Variants in PSD3 observed in about 807,000 individuals in gnomAD.
PSD3 encodes PH and SEC7 domain-containing protein 3.
Under a neutral mutation model 105.5 loss-of-function variants are expected in PSD3, and 49 were observed. The ratio of observed to expected loss-of-function variants is 0.46; its 90% CI spans 0.37 to 0.59. The LOEUF (loss-of-function observed/expected upper bound fraction) is 0.59. PSD3 is among the 20% of genes least tolerant of loss of function. The pLI, the probability that PSD3 is intolerant of heterozygous loss-of-function variation, is 0.00. For missense variants in PSD3, 1,561 were observed against 1,263.8 expected (o/e 1.24, Z -3.57); for synonymous variants, 557 against 457.8 (o/e 1.22, Z -2.77).
At chr8:18,630,297 G>C (rs760398555) in intron 11 of PSD3, among the ~76,000 whole-genome samples, 1 of 151,938 alleles carries the variant, frequency 6.6e-6, no homozygotes. Context: ...AAAACTTCTA[G>C]CCTGGTACAA....
chr8:18,810,296 C>T (rs1167066439), intron 4 of PSD3, among the ~76,000 whole-genome samples: 1 of 152,200 alleles, frequency 6.6e-6, no homozygotes, highest in African/African-American at 2.4e-5. Context: ...AAGAACACAG[C>T]CATCTGCCAT....
chr8:19,006,897 T>G (rs190404136), intron 1 of PSD3, among the ~76,000 whole-genome samples: 2 of 152,144 alleles, frequency 1.3e-5, no homozygotes, highest in Non-Finnish European at 2.9e-5. Context: ...TTATTCACTG[T>G]GATACTAGGC....
intron 9 of PSD3, among the ~76,000 whole-genome samples, chr8:18,715,834 C>T (rs754537249): frequency 6.6e-5 from 10 of 152,180 alleles, no homozygotes; most frequent in South Asian, 2.1e-4. Context: ...ATAAGTACAT[C>T]CAACGCATAT....
At chr8:19,048,382 A>T (rs1227339926) in intron 1 of PSD3, among the ~76,000 whole-genome samples, 1 of 152,224 alleles carries the variant, frequency 6.6e-6, no homozygotes, top group African/African-American at 2.4e-5. Flanking sequence ...TGAAAGTCAG[A>T]TTCCTGGAGA....
intron 2 of PSD3, among the ~76,000 whole-genome samples, chr8:18,911,799 C>A (rs1200402640): frequency 6.6e-6 from 1 of 152,084 alleles, no homozygotes; most frequent in South Asian, 2.1e-4. Context: ...CTCTACCCCC[C>A]ACCACACACA....
chr8:19,028,887 C>G (rs763881047), intron 1 of PSD3, among the ~76,000 whole-genome samples: 1 of 152,182 alleles, frequency 6.6e-6, no homozygotes, highest in Non-Finnish European at 1.5e-5. Flanking sequence ...GGAGTTTCCT[C>G]TCTTCCCAGA....
At chr8:18,943,667 C>G (rs1044481355) in intron 1 of PSD3, among the ~76,000 whole-genome samples, 1 of 152,026 alleles carries the variant, frequency 6.6e-6, no homozygotes, top group Admixed American at 6.6e-5. Flanking sequence ...TCCTCAGATC[C>G]CTGCCTCCAC....
At chr8:18,607,691 A>C (rs544751800) in intron 11 of PSD3, among the ~76,000 whole-genome samples, 3,727 of 94,182 alleles carry the variant, frequency 0.04, 281 homozygotes, top group East Asian at 0.13. Context: ...TACAAAAAAA[A>C]AAAACAAAAC....
intron 9 of PSD3, among the ~76,000 whole-genome samples, chr8:18,762,668 G>A (rs1439912262): frequency 4.6e-5 from 7 of 152,216 alleles, no homozygotes; most frequent in East Asian, 1.9e-4. Context: ...AGTAAACAAC[G>A]AAAGCTGCAA....
At chr8:18,566,159 T>A (rs1801733814) in intron 14 of PSD3, among the ~76,000 whole-genome samples, 1 of 152,116 alleles carries the variant, frequency 6.6e-6, no homozygotes, top group Admixed American at 6.6e-5. Flanking sequence ...CATATGTGTT[T>A]CTCAAAGCTA....
intron 1 of PSD3, among the ~76,000 whole-genome samples, chr8:18,950,288 AG>A (rs1223731403): frequency 9.2e-5 from 14 of 152,340 alleles, no homozygotes; most frequent in African/African-American, 3.1e-4. Flanking sequence ...TTATTTTATT[AG>A]TTTTTTTGAG....
chr8:18,633,792 G>C (rs1045428040), intron 10 of PSD3, among the ~76,000 whole-genome samples: 3 of 152,190 alleles, frequency 2.0e-5, no homozygotes, highest in Admixed American at 2.0e-4. Context: ...CAGGATTGCT[G>C]ATTTGAATGG....
chr8:18,740,578 C>G (rs1804491429), intron 9 of PSD3, among the ~76,000 whole-genome samples: 1 of 152,158 alleles, frequency 6.6e-6, no homozygotes. Flanking sequence ...TTAACCTTGA[C>G]AGCCCCTCGG....
At chr8:18,585,703 T>C (rs1173593122) in intron 12 of PSD3, among the ~76,000 whole-genome samples, 1 of 152,158 alleles carries the variant, frequency 6.6e-6, no homozygotes, top group Non-Finnish European at 1.5e-5. Flanking sequence ...ATAAGAGTCG[T>C]CAGGAAGGGA....
chr8:18,969,611 C>T (rs1406851490), intron 1 of PSD3, among the ~76,000 whole-genome samples: 6 of 152,174 alleles, frequency 3.9e-5, no homozygotes, highest in Non-Finnish European at 8.8e-5. Flanking sequence ...TAATGAAATG[C>T]CCTTGATCTT....
intron 1 of PSD3, among the ~76,000 whole-genome samples, chr8:18,970,193 C>A (rs552287017): frequency 6.6e-6 from 1 of 151,064 alleles, no homozygotes; most frequent in African/African-American, 2.4e-5. Flanking sequence ...GGCGTGGTGG[C>A]GGGCACCTGT....
At chr8:19,045,690 A>G (rs1201488845) in intron 1 of PSD3, among the ~76,000 whole-genome samples, 1 of 152,226 alleles carries the variant, frequency 6.6e-6, no homozygotes, top group African/African-American at 2.4e-5. Context: ...AGGAAATCCT[A>G]GAAATGGAAG....
At chr8:18,567,380 T>C (rs1279373613) in intron 14 of PSD3, among the ~76,000 whole-genome samples, 3 of 152,204 alleles carry the variant, frequency 2.0e-5, no homozygotes, top group African/African-American at 7.2e-5. Flanking sequence ...ATGTTAAGTA[T>C]GCATATTTAA....
intron 11 of PSD3, among the ~76,000 whole-genome samples, chr8:18,627,186 G>A (rs1225020700): frequency 3.3e-5 from 5 of 152,010 alleles, no homozygotes; most frequent in African/African-American, 9.7e-5. Context: ...AAAGAGTCTC[G>A]GTTCCAACAG....
Sources: allele counts gnomAD v4.1 joint callset (sites outside exome capture counted in the v4.1 genomes callset), GRCh38; gene constraint gnomAD v4.1.1; transcripts MANE v1.5; gene names NCBI Gene and HGNC (gene_info 2026-07-23, HGNC 2026-07-21).